Variants in RBM19 observed in about 807,000 individuals in gnomAD.
RBM19 encodes RNA binding motif protein 19.
Under a neutral mutation model 116.8 loss-of-function variants are expected in RBM19, and 94 were observed. That is an observed-to-expected ratio of 0.80 (90% CI 0.68 to 0.95). The LOEUF is 0.95. RBM19 is among the 40% of genes least tolerant of loss of function. The probability of loss-of-function intolerance (pLI) is 0.00; values close to 1 mark genes in which losing one functional copy is unlikely to be tolerated. For synonymous variants in RBM19, 475 were observed against 494.1 expected (o/e 0.96, Z 0.51); for missense variants, 1,161 against 1,220.7 (o/e 0.95, Z 0.73).
At chr12:113,817,139 A>G (rs1253184534), downstream of RBM19, 1 of 152,284 alleles carries the variant, frequency 6.6e-6, no homozygotes, top group African/African-American at 2.4e-5. Context: ...AAAGACAAAA[A>G]AGACCAAGGC....
chr12:113,948,437 G>T (rs1370282688), intron 10 of RBM19, among the ~76,000 whole-genome samples: 1 of 152,210 alleles, frequency 6.6e-6, no homozygotes, highest in Non-Finnish European at 1.5e-5. Context: ...TTCAGATACG[G>T]AGGAACGCCG....
intron 23 of RBM19, among the ~76,000 whole-genome samples, chr12:113,833,844 A>C (rs1875645481): frequency 6.6e-6 from 1 of 152,158 alleles, no homozygotes; most frequent in Non-Finnish European, 1.5e-5. Context: ...CCTGGGCTCA[A>C]GTGATCCTCC....
intron 21 of RBM19, among the ~76,000 whole-genome samples, chr12:113,890,035 G>T (rs1353187957): frequency 1.3e-5 from 2 of 152,240 alleles, no homozygotes; most frequent in African/African-American, 4.8e-5. Flanking sequence ...GCAGCTGGGA[G>T]CCTGGGAGTG....
At position 113,947,418 on chromosome 12, in the gene RBM19, T is replaced by A. The variant is rs1328976826; in HGVS notation, c.1323A>T (p.Lys441Asn). The stretch of plus-strand genomic sequence containing the variant: ...AGGTGATGAATGCAAAACCCTTGGG[T>A]TTCTTGGTCAGGCTGTCGATGGGGT... ...LHYPIDSLTK[K>N]PKGFAFITFM... Residue 441 changes from lysine (K) to asparagine (N), a missense_variant, in exon 11 of 24, where the codon AAA becomes AAT. Coordinates refer to ENST00000261741, the MANE Select transcript of RBM19 (RefSeq NM_016196.4). 1 of 1,610,120 alleles carries A rather than the reference T, an allele frequency of 6.2e-7. No individual in the cohort carries two copies. Among genetic ancestry groups the A allele is most frequent in the African/African-American group, 1.3e-5 (1 of 74,854 alleles).
intron 16 of RBM19, 56 bp downstream of exon 16, chr12:113,936,951 T>C: frequency 1.3e-6 from 2 of 1,591,402 alleles, no homozygotes; most frequent in South Asian, 1.1e-5. Context: ...CCCCCAACCC[T>C]CCTCCTTTCC....
intron 21 of RBM19, among the ~76,000 whole-genome samples, chr12:113,871,910 CAA>C (rs1879235427): frequency 6.6e-6 from 1 of 151,934 alleles, no homozygotes; most frequent in Non-Finnish European, 1.5e-5. Flanking sequence ...CTTGGCCTCC[CAA>C]AGTGCCGAGA....
In RBM19 at chr12:113,960,474, C is replaced by T. The variant is rs115635032; in HGVS notation, c.220-296G>A. On this transcript the variant is annotated intron_variant, in intron 2 of 23. Transcript: ENST00000261741. ...AAGTGCTCTGCAAGTACTGATACAC[C>T]GAGCCTCTCATGTCAGTGACAGCTA... Among the ~76,000 whole-genome samples the T allele has an allele frequency of 9.5e-3, 1,450 of 152,266 alleles. 27 individuals are homozygous for T. The highest frequency in any genetic ancestry group is 0.032 in the African/African-American group (1,340 of 41,540).
At chr12:113,870,642 G>GTTGCAGGGTT (rs552615091) in intron 21 of RBM19, among the ~76,000 whole-genome samples, 2 of 152,174 alleles carry the variant, frequency 1.3e-5, no homozygotes, top group South Asian at 2.1e-4. Context: ...GTCCACTGAG[G>GTTGCAGGGTT]TTGCAGGGTT....
exon 25 of RBM19, chr12:113,817,027 A>G (rs977550964): frequency 2.1e-4 from 32 of 152,262 alleles, no homozygotes; most frequent in African/African-American, 7.7e-4. Context: ...TGTTGAAACC[A>G]AGCTCGGCTC....
intron 21 of RBM19, among the ~76,000 whole-genome samples, chr12:113,876,799 T>A (rs903282691): frequency 6.6e-6 from 1 of 150,662 alleles, no homozygotes. Context: ...CAAAAAAAAA[T>A]AGTAATAATA....
intron 21 of RBM19, among the ~76,000 whole-genome samples, chr12:113,889,107 T>C (rs1025397746): frequency 2.0e-5 from 3 of 152,056 alleles, no homozygotes; most frequent in African/African-American, 7.2e-5. Flanking sequence ...TCCACACATT[T>C]CCCTCTGGTC....
chr12:113,944,397 C>A (rs1870844076), intron 13 of RBM19, among the ~76,000 whole-genome samples: 1 of 151,858 alleles, frequency 6.6e-6, no homozygotes, highest in Non-Finnish European at 1.5e-5. Context: ...CGTTCCCAAC[C>A]CAGATGCATG....
intron 23 of RBM19, among the ~76,000 whole-genome samples, chr12:113,832,323 A>C (rs1347772402): frequency 1.3e-5 from 2 of 151,528 alleles, no homozygotes; most frequent in Non-Finnish European, 2.9e-5. Context: ...CTGAGTAGCT[A>C]GGATTACGGG....
chr12:113,941,475 A>C (rs546460968), intron 14 of RBM19, among the ~76,000 whole-genome samples: 1 of 150,906 alleles, frequency 6.6e-6, no homozygotes, highest in Non-Finnish European at 1.5e-5. Context: ...CTAATTAAAC[A>C]TGTAAACTTA....
intron 16 of RBM19, among the ~76,000 whole-genome samples, chr12:113,935,897 G>A (rs188788674): frequency 2.0e-5 from 3 of 152,080 alleles, no homozygotes; most frequent in Admixed American, 1.3e-4. Flanking sequence ...TTAGCCAGGC[G>A]TGGTGGTGGG....
intron 21 of RBM19, among the ~76,000 whole-genome samples, chr12:113,914,672 G>A (rs555714586): frequency 6.6e-6 from 1 of 152,242 alleles, no homozygotes; most frequent in South Asian, 2.1e-4. Context: ...TTAGCCACTG[G>A]GGCCCCTGCC....
chr12:113,914,984 A>G lies in RBM19; in HGVS notation c.2543T>C (p.Ile848Thr), dbSNP rs758809625. 3 of 1,613,946 alleles carry G rather than the reference A, an allele frequency of 1.9e-6. No individual in the cohort carries two copies. The highest frequency in any genetic ancestry group is 2.5e-6 in the Non-Finnish European group (3 of 1,179,776). ...NIPFQAHSRE[I>T]RELFSTFGEL... ...AAGTTCTCACCTGAAGAGCTCTCGGATCTCCCGGCTGTGGGCCTGGAAGGG... is the reference window on the plus strand; with the variant it reads ...AAGTTCTCACCTGAAGAGCTCTCGGGTCTCCCGGCTGTGGGCCTGGAAGGG... The change falls in exon 21 of 24, where the codon ATC (isoleucine) becomes ACC (threonine). Residue 848 changes from isoleucine to threonine, a missense_variant. Coordinates refer to ENST00000261741, the MANE Select transcript of RBM19 (RefSeq NM_016196.4).
At chr12:113,860,176 G>A (rs1376073558) in intron 21 of RBM19, among the ~76,000 whole-genome samples, 1 of 152,242 alleles carries the variant, frequency 6.6e-6, no homozygotes, top group Non-Finnish European at 1.5e-5. Context: ...TCCCGGGGAG[G>A]GGAAGGAGCC....
chr12:113,917,800 G>T (rs763971417), intron 20 of RBM19, among the ~76,000 whole-genome samples: 2 of 152,212 alleles, frequency 1.3e-5, no homozygotes, highest in Non-Finnish European at 2.9e-5. Context: ...CACGTCGGGT[G>T]TAATAGTTCA....
Sources: allele counts gnomAD v4.1 joint callset (sites outside exome capture counted in the v4.1 genomes callset), GRCh38; gene constraint gnomAD v4.1.1; transcripts MANE v1.5; gene names NCBI Gene and HGNC (gene_info 2026-07-23, HGNC 2026-07-21).